OSBPL9: variants seen among roughly 807,000 people sequenced by gnomAD.
The protein encoded by OSBPL9 is oxysterol binding protein like 9.
Under a neutral mutation model 106.6 loss-of-function variants are expected in OSBPL9, and 40 were observed. The ratio of observed to expected loss-of-function variants is 0.38; its 90% confidence interval spans 0.29 to 0.49. The LOEUF (loss-of-function observed/expected upper bound fraction) is 0.49. Among genes scored for constraint, OSBPL9 ranks in the 20% least tolerant of loss-of-function variants. The probability of loss-of-function intolerance (pLI) is 0.97; values close to 1 mark genes in which losing one functional copy is unlikely to be tolerated. For synonymous variants in OSBPL9, 269 were observed against 295.4 expected (o/e 0.91, Z 0.92); for missense variants, 609 against 887.2 (o/e 0.69, Z 3.98).
intron 2 of OSBPL9, among the ~76,000 whole-genome samples, chr1:51,654,922 G>T (rs1257347802): frequency 6.6e-6 from 1 of 152,152 alleles, no homozygotes; most frequent in Non-Finnish European, 1.5e-5. Flanking sequence ...GAGTACGGGA[G>T]ATGGGGACTT....
the OSBPL9 span, among the ~76,000 whole-genome samples, chr1:51,543,978 A>C: frequency 6.6e-6 from 1 of 152,244 alleles, no homozygotes; most frequent in Non-Finnish European, 1.5e-5. Flanking sequence ...CTTCCCTTGC[A>C]GCATTATAGA....
chr1:51,651,166 C>T (rs1350941808), intron 1 of OSBPL9, among the ~76,000 whole-genome samples: 2 of 152,160 alleles, frequency 1.3e-5, no homozygotes, highest in African/African-American at 2.4e-5. Flanking sequence ...CGAGGCAGAA[C>T]ATTTGGGTCA....
chr1:51,558,567 T>G, the OSBPL9 span, among the ~76,000 whole-genome samples: 1 of 152,114 alleles, frequency 6.6e-6, no homozygotes, highest in Non-Finnish European at 1.5e-5. Context: ...ACCCAGGAAC[T>G]GACTCAGCTC....
chr1:51,617,979 C>T (rs1175405268), intron 1 of OSBPL9, among the ~76,000 whole-genome samples: 3 of 147,876 alleles, frequency 2.0e-5, no homozygotes, highest in African/African-American at 5.1e-5. Context: ...AGATGAATTG[C>T]TGTGAATCTT....
chr1:51,617,119 C>T lies in OSBPL9; in HGVS notation c.9C>T (p.Ser3=). Residue 3 remains serine (S), a synonymous_variant, in exon 1 of 24, where the codon TCC becomes TCT. Coordinates refer to ENST00000428468, the MANE Select transcript of OSBPL9 (RefSeq NM_024586.6). MA[S]IMEGPLSKWT... is the part of the protein sequence containing the mutation. ...CATTGGCGGCTCCCAAGATGGCGTC[C>T]ATCATGGAAGGGCCGCTGAGCAAAT... 1 of 1,611,608 alleles carries T rather than the reference C, an allele frequency of 6.2e-7. No homozygotes were observed. Among genetic ancestry groups the T allele is most frequent in the Non-Finnish European group, 8.5e-7 (1 of 1,179,106 alleles).
At chr1:51,605,915 G>A (rs1643944386) in intron 2 of OSBPL9, among the ~76,000 whole-genome samples, 1 of 152,006 alleles carries the variant, frequency 6.6e-6, no homozygotes, top group South Asian at 2.1e-4. Context: ...GGGAGGTGGA[G>A]GTTGCAGTGA....
chr1:51,534,036 C>A, the OSBPL9 span, among the ~76,000 whole-genome samples: 7 of 151,754 alleles, frequency 4.6e-5, no homozygotes, highest in Admixed American at 4.6e-4. Flanking sequence ...GAAACCCCAT[C>A]TCTACTAAAA....
the OSBPL9 span, chr1:51,566,175 G>T: frequency 6.6e-6 from 1 of 152,296 alleles, no homozygotes; most frequent in African/African-American, 2.4e-5. Context: ...AAGGTGAGTG[G>T]CTGCCCTCTT....
the OSBPL9 span, among the ~76,000 whole-genome samples, chr1:51,545,424 T>G: frequency 6.6e-6 from 1 of 151,960 alleles, no homozygotes; most frequent in African/African-American, 2.4e-5. Flanking sequence ...AATAAAAAAA[T>G]TATCCAGGCG....
At chr1:51,666,224 G>A (rs146298781) in intron 2 of OSBPL9, among the ~76,000 whole-genome samples, 3 of 152,278 alleles carry the variant, frequency 2.0e-5, no homozygotes, top group East Asian at 1.9e-4. Context: ...GTTTGGTGCC[G>A]TGAGAGGAAG....
At chr1:51,529,972 C>G in the OSBPL9 span, among the ~76,000 whole-genome samples, 4 of 151,082 alleles carry the variant, frequency 2.6e-5, no homozygotes, top group South Asian at 8.4e-4. Flanking sequence ...GAGATCGAGA[C>G]CATCCTGGCT....
intron 2 of OSBPL9, among the ~76,000 whole-genome samples, chr1:51,605,373 T>C (rs1643939310): frequency 1.3e-5 from 2 of 152,036 alleles, no homozygotes; most frequent in Admixed American, 6.6e-5. Context: ...GGAGGATAGC[T>C]TGAGTCCAGG....
the OSBPL9 span, among the ~76,000 whole-genome samples, chr1:51,530,180 A>AAAAAAAAAAAAACAAAC: frequency 1.4e-4 from 16 of 114,418 alleles, no homozygotes; most frequent in Non-Finnish European, 5.3e-5. Context: ...CAAAAAAAAA[A>AAAAAAAAAAAAACAAAC]AAAAAAAAAA....
chr1:51,769,514 G>A (rs754455635), intron 12 of OSBPL9, among the ~76,000 whole-genome samples: 1 of 152,170 alleles, frequency 6.6e-6, no homozygotes, highest in Non-Finnish European at 1.5e-5. Flanking sequence ...CCTTAGGGTT[G>A]TAATGTAGAT....
At chr1:51,568,815 C>T in the OSBPL9 span, among the ~76,000 whole-genome samples, 1 of 152,200 alleles carries the variant, frequency 6.6e-6, no homozygotes, top group Non-Finnish European at 1.5e-5. Context: ...CTACAACCTC[C>T]ATCTCCCAGG....
intron 3 of OSBPL9, among the ~76,000 whole-genome samples, chr1:51,692,016 A>C (rs1177074584): frequency 1.3e-5 from 2 of 152,310 alleles, no homozygotes; most frequent in East Asian, 3.9e-4. Flanking sequence ...CTCTAAAATA[A>C]AGATAAAAAG....
At chr1:51,669,673 G>T in intron 3 of OSBPL9, 161 bp downstream of exon 3, 57 of 579,728 alleles carry the variant, frequency 9.8e-5, no homozygotes, top group Non-Finnish European at 1.1e-4. Flanking sequence ...GTTAGGCAGG[G>T]ATTTGTATCT....
chr1:51,633,644 G>A (rs1645245794), intron 1 of OSBPL9, among the ~76,000 whole-genome samples: 1 of 151,120 alleles, frequency 6.6e-6, no homozygotes, highest in African/African-American at 2.4e-5. Flanking sequence ...AATGAAAACA[G>A]GGTCTTGCAC....
At chr1:51,662,783 C>T (rs1199631973) in intron 2 of OSBPL9, among the ~76,000 whole-genome samples, 14 of 136,162 alleles carry the variant, frequency 1.0e-4, no homozygotes, top group African/African-American at 1.7e-4. Context: ...CTCGCTCTGT[C>T]GCCCAGGGTG....
Sources: allele counts gnomAD v4.1 joint callset (sites outside exome capture counted in the v4.1 genomes callset), GRCh38; gene constraint gnomAD v4.1.1; transcripts MANE v1.5; gene names NCBI Gene and HGNC (gene_info 2026-07-23, HGNC 2026-07-21).